Variants in PAX6 observed in about 807,000 individuals in gnomAD.
PAX6 encodes the protein paired box 6.
A neutral mutation model predicts 60.7 loss-of-function variants in PAX6; 7 were observed. That is an observed-to-expected ratio of 0.12 (90% CI 0.07 to 0.22). The LOEUF (loss-of-function observed/expected upper bound fraction) is 0.22. Ranked by LOEUF, PAX6 falls within the 10% of genes least tolerant of loss-of-function variation. PAX6 has a pLI of 1.00. For synonymous variants in PAX6, 208 were observed against 201.2 expected (o/e 1.03, Z -0.29); for missense variants, 355 against 555.2 (o/e 0.64, Z 3.62).
chr11:31,806,135 T>G, intron 4 of PAX6: 1 of 477,016 alleles, frequency 2.1e-6, no homozygotes, highest in Non-Finnish European at 3.6e-6. Flanking sequence ...TTGGGGGGGA[T>G]GGGGTTTCTC....
Position 31,793,751 on chromosome 11 carries a change from T to G in PAX6, c.859A>C (p.Asn287His). ...AKWRREEKLR[N>H]QRRQASNTPS... ...GTGTTGCTGGCCTGTCTTCTCTGAT[T>G]CCTCAGTTTTTCTTCTCTTCTCCAT... The change falls in exon 11 of 14, where the codon AAT becomes CAT. Residue 287 changes from asparagine (N) to histidine (H), a missense_variant. Coordinates refer to ENST00000640368, the MANE Select transcript of PAX6 (RefSeq NM_001368894.2). The G allele has an allele frequency of 6.2e-7, 1 of 1,614,148 alleles. No individual in the cohort carries two copies. The highest frequency in any genetic ancestry group is 8.5e-7 in the Non-Finnish European group (1 of 1,179,998).
At chr11:31,813,243 C>A (rs1393917440), upstream of PAX6, 2 of 152,020 alleles carry the variant, frequency 1.3e-5, no homozygotes, top group African/African-American at 4.8e-5. Context: ...CGGAGGATGC[C>A]GGCAAGTGGG....
At chr11:31,797,561 A>G (rs1045821263) in intron 8 of PAX6, among the ~76,000 whole-genome samples, 1 of 151,660 alleles carries the variant, frequency 6.6e-6, no homozygotes, top group Non-Finnish European at 1.5e-5. Flanking sequence ...TTCCACAGCA[A>G]AAAGAAACCT....
intron 3 of PAX6, 72 bp downstream of exon 3, chr11:31,806,777 A>T (rs1377018938): frequency 1.1e-5 from 3 of 274,412 alleles, no homozygotes; most frequent in African/African-American, 4.4e-5. Flanking sequence ...ACTATAGTGA[A>T]GAAGCATACT....
At chr11:31,814,166 C>T (rs1957262973), upstream of PAX6, 1 of 152,124 alleles carries the variant, frequency 6.6e-6, no homozygotes. Context: ...GAGGGAGGAC[C>T]TCTCAGGCCG....
chr11:31,796,676 G>A (rs1292871038), intron 8 of PAX6, among the ~76,000 whole-genome samples: 1 of 151,930 alleles, frequency 6.6e-6, no homozygotes, highest in Non-Finnish European at 1.5e-5. Flanking sequence ...AGAGGGCGAT[G>A]GAGGGGAAAA....
intron 13 of PAX6, 78 bp from the exon 14 acceptor site, chr11:31,790,097 CAAAAAAAA>C (rs1171009926): frequency 1.0e-3 from 145 of 145,330 alleles, no homozygotes; most frequent in East Asian, 5.8e-3. Context: ...TATAGGTTTA[CAAAAAAAA>C]AAAAAAAAAA....
intron 13 of PAX6, 91 bp downstream of exon 13, chr11:31,790,619 C>G (rs149443247): frequency 1.3e-6 from 2 of 1,582,710 alleles, no homozygotes; most frequent in East Asian, 4.5e-5. Context: ...GAGTTAAACA[C>G]GCCCTCCCAT....
At chr11:31,795,838 C>T (rs1171504221) in intron 8 of PAX6, among the ~76,000 whole-genome samples, 2 of 152,250 alleles carry the variant, frequency 1.3e-5, no homozygotes, top group Non-Finnish European at 2.9e-5. Flanking sequence ...CCTCCAGGGC[C>T]ACTACAGGCT....
intron 8 of PAX6, among the ~76,000 whole-genome samples, chr11:31,797,561 A>C (rs1045821263): frequency 2.0e-5 from 3 of 151,660 alleles, no homozygotes; most frequent in Non-Finnish European, 2.9e-5. Flanking sequence ...TTCCACAGCA[A>C]AAAGAAACCT....
intron 1 of PAX6, chr11:31,816,524 G>T: frequency 1.4e-6 from 1 of 702,588 alleles, no homozygotes; most frequent in East Asian, 2.7e-5. Flanking sequence ...GCCCGAGGAT[G>T]GCTGGGTTTG....
chr11:31,808,929 C>G (rs925954056), intron 2 of PAX6: 1 of 152,250 alleles, frequency 6.6e-6, no homozygotes, highest in Non-Finnish European at 1.5e-5. Flanking sequence ...CTCGCTGGGG[C>G]CATAGAACCA....
chr11:31,797,418 G>A (rs950605898), intron 8 of PAX6, among the ~76,000 whole-genome samples: 2 of 151,406 alleles, frequency 1.3e-5, no homozygotes, highest in Non-Finnish European at 2.9e-5. Context: ...CAGGCAGCAC[G>A]CGATCGCCGC....
intron 12 of PAX6, chr11:31,792,286 A>C (rs527263704): frequency 1.3e-5 from 2 of 152,348 alleles, no homozygotes; most frequent in African/African-American, 4.8e-5. Context: ...AACACCAACT[A>C]ATGGGCTGTT....
chr11:31,791,213 C>T, intron 12 of PAX6: 1 of 383,272 alleles, frequency 2.6e-6, no homozygotes, highest in Non-Finnish European at 5.0e-6. Context: ...AAACACATCC[C>T]CTCTCCCTGC....
At chr11:31,790,927 C>T (rs1190293492) in intron 12 of PAX6, 67 bp from the exon 13 acceptor site, 2 of 1,549,244 alleles carry the variant, frequency 1.3e-6, no homozygotes, top group Non-Finnish European at 1.8e-6. Flanking sequence ...CCCAGGCTCC[C>T]TCCTCCCGAG....
chr11:31,801,207 G>C (rs1480221004), intron 7 of PAX6: 5 of 1,223,064 alleles, frequency 4.1e-6, no homozygotes, highest in Admixed American at 3.1e-5. Flanking sequence ...TTTAATATTA[G>C]GATGGAAATG....
intron 12 of PAX6, 179 bp downstream of exon 12, chr11:31,793,259 A>G: frequency 1.4e-6 from 1 of 705,584 alleles, no homozygotes. Flanking sequence ...GCATGAATTA[A>G]TGAGTCAATC....
Position 31,789,542 on chromosome 11 carries a change from T to G in PAX6, c.*392A>C. The G allele has an allele frequency of 1.7e-6, 1 of 600,474 alleles. No individual in the cohort carries two copies. The highest frequency in any genetic ancestry group is 2.7e-5 in the East Asian group (1 of 36,368). The allele number at this position is 600,474 out of a possible 1,614,324, so 37.2% of individuals were successfully genotyped here. ...GATATATCTTGATAAAACTCTTAAA[T>G]TCGTGGCAAAGCTTGTTGATCATGG... is the stretch of plus-strand genomic sequence containing the variant. On this transcript the variant is annotated 3_prime_UTR_variant, in exon 14 of 14. Coordinates refer to ENST00000640368, the MANE Select transcript of PAX6 (RefSeq NM_001368894.2).
Sources: gnomAD v4.1 joint callset for allele counts (sites outside exome capture counted in the v4.1 genomes callset) on GRCh38, gnomAD v4.1.1 for gene constraint, MANE v1.5 for transcripts, NCBI Gene and HGNC (gene_info 2026-07-23, HGNC 2026-07-21) for gene names.